TMIGD3: variants seen among roughly 807,000 people sequenced by gnomAD.
The protein encoded by TMIGD3 is transmembrane and immunoglobulin domain containing 3.
A neutral mutation model predicts 28.1 loss-of-function variants in TMIGD3; 21 were observed. The observed-to-expected ratio is 0.75, with a 90% CI of 0.53 to 1.08. The LOEUF is 1.08. Among genes scored for constraint, TMIGD3 ranks in the 50% least tolerant of loss-of-function variants. TMIGD3 has a pLI of 0.00. For missense variants in TMIGD3, 416 were observed against 435.6 expected, an observed-to-expected ratio of 0.96 and a Z score of 0.40; for synonymous variants, 151 against 162.1, an observed-to-expected ratio of 0.93 and a Z score of 0.52.
At chr1:111,524,911 CT>C (rs1391483183) in intron 1 of TMIGD3, among the ~76,000 whole-genome samples, 26 of 152,176 alleles carry the variant, frequency 1.7e-4, no homozygotes, top group Non-Finnish European at 3.4e-4. Context: ...TGAGCCACCC[CT>C]CTTGGCCTCT....
upstream of TMIGD3, among the ~76,000 whole-genome samples, chr1:111,504,405 G>A (rs752254918): frequency 3.2e-4 from 48 of 152,168 alleles, no homozygotes; most frequent in South Asian, 4.1e-4. Flanking sequence ...CCCCATCCCC[G>A]CAGGAACAGG....
chr1:111,489,626 C>G, intron 2 of TMIGD3: 1 of 1,137,286 alleles, frequency 8.8e-7, no homozygotes, highest in South Asian at 1.7e-5. Context: ...AGGCCTCCTA[C>G]CATTGCTTGA....
At chr1:111,520,787 T>C (rs1321675586) in intron 1 of TMIGD3, among the ~76,000 whole-genome samples, 1 of 152,244 alleles carries the variant, frequency 6.6e-6, no homozygotes, top group Non-Finnish European at 1.5e-5. Flanking sequence ...AGTTATATGT[T>C]TGTGTGCTGG....
intron 1 of TMIGD3, among the ~76,000 whole-genome samples, chr1:111,542,796 A>G (rs1656886866): frequency 6.6e-6 from 1 of 152,000 alleles, no homozygotes; most frequent in South Asian, 2.1e-4. Context: ...TCCCGGGTTC[A>G]AGTGATTCTC....
At chr1:111,517,611 G>A (rs1350192825) in intron 1 of TMIGD3, among the ~76,000 whole-genome samples, 1 of 152,132 alleles carries the variant, frequency 6.6e-6, no homozygotes, top group Non-Finnish European at 1.5e-5. Flanking sequence ...TGTGAGTTTT[G>A]GCAAATTGCT....
chr1:111,504,871 C>G, upstream of TMIGD3: 1 of 985,288 alleles, frequency 1.0e-6, no homozygotes, highest in South Asian at 4.7e-5. Context: ...CCATACTTGT[C>G]CCCGCCAGAC....
intron 1 of TMIGD3, chr1:111,499,791 G>A (rs1326962486): frequency 6.8e-7 from 1 of 1,463,050 alleles, no homozygotes; most frequent in East Asian, 2.4e-5. Flanking sequence ...AGAGAGTAGT[G>A]GAGTGGGGGA....
intron 5 of TMIGD3, 56 bp from the exon 6 acceptor site, chr1:111,483,813 A>T: frequency 4.2e-6 from 6 of 1,443,006 alleles, no homozygotes; most frequent in Non-Finnish European, 5.8e-6. Context: ...CTACCCCTGA[A>T]GAGTGTTTCT....
At chr1:111,541,696 AAGAG>A (rs960029102) in intron 1 of TMIGD3, among the ~76,000 whole-genome samples, 4 of 150,458 alleles carry the variant, frequency 2.7e-5, no homozygotes, top group Non-Finnish European at 4.5e-5. Flanking sequence ...GAGAGAGAGA[AAGAG>A]AGAGAGAGAG....
intron 1 of TMIGD3, among the ~76,000 whole-genome samples, chr1:111,523,319 GA>G (rs1468161323): frequency 6.6e-6 from 1 of 152,084 alleles, no homozygotes; most frequent in Non-Finnish European, 1.5e-5. Context: ...TCATTTCTGG[GA>G]TAAAGCCCAC....
chr1:111,509,286 T>C (rs1655614949), intron 1 of TMIGD3, among the ~76,000 whole-genome samples: 1 of 152,208 alleles, frequency 6.6e-6, no homozygotes. Flanking sequence ...TCTTGTGAGC[T>C]CAGGTCCCAC....
chr1:111,534,045 T>C (rs775782195), intron 1 of TMIGD3, among the ~76,000 whole-genome samples: 7 of 152,170 alleles, frequency 4.6e-5, no homozygotes, highest in Non-Finnish European at 1.0e-4. Context: ...AGTTAATAAA[T>C]GTAAAACACT....
chr1:111,486,472 T>A, intron 4 of TMIGD3, 114 bp downstream of exon 4: 1 of 728,672 alleles, frequency 1.4e-6, no homozygotes, highest in South Asian at 1.5e-5. Flanking sequence ...AGAAATAATG[T>A]GCAGTAGAAA....
At chr1:111,537,270 T>G (rs563960485) in intron 1 of TMIGD3, among the ~76,000 whole-genome samples, 1 of 152,234 alleles carries the variant, frequency 6.6e-6, no homozygotes, top group African/African-American at 2.4e-5. Context: ...TTTGTTCACC[T>G]GGATTCTGAG....
chr1:111,487,691 A>G (rs949779535), intron 3 of TMIGD3, among the ~76,000 whole-genome samples: 3 of 152,206 alleles, frequency 2.0e-5, no homozygotes, highest in Middle Eastern at 3.2e-3. Flanking sequence ...CTTTTCTGCT[A>G]TGGGTTCCAG....
chr1:111,490,897 A>G (rs2252197), intron 1 of TMIGD3, 135 bp from the exon 2 acceptor site: 383,941 of 641,222 alleles, frequency 0.6, 117,669 homozygotes, highest in Admixed American at 0.7. Flanking sequence ...GCACCATACC[A>G]CATGCTCTTC....
At chr1:111,523,852 A>G (rs1041616451) in intron 1 of TMIGD3, among the ~76,000 whole-genome samples, 6 of 151,888 alleles carry the variant, frequency 4.0e-5, no homozygotes, top group African/African-American at 1.2e-4. Flanking sequence ...TTCTTGATCA[A>G]TCAGACTAAG....
intron 1 of TMIGD3, among the ~76,000 whole-genome samples, chr1:111,554,357 T>A (rs1657393916): frequency 6.6e-6 from 1 of 152,234 alleles, no homozygotes; most frequent in Admixed American, 6.5e-5. Context: ...TAAAAACATC[T>A]TTTGTTTGAC....
At chr1:111,500,107 C>T (rs765352303) in intron 1 of TMIGD3, 49 of 1,613,968 alleles carry the variant, frequency 3.0e-5, no homozygotes, top group Non-Finnish European at 2.5e-6. Context: ...CAGCAGGATG[C>T]CCATGTACAG....
Sources: allele counts gnomAD v4.1 joint callset (sites outside exome capture counted in the v4.1 genomes callset), GRCh38; gene constraint gnomAD v4.1.1; transcripts MANE v1.5; gene names NCBI Gene and HGNC (gene_info 2026-07-23, HGNC 2026-07-21).